Variants in FAAH2 observed in about 807,000 individuals in gnomAD.
The protein encoded by FAAH2 is fatty acid amide hydrolase 2.
FAAH2 carries 60 observed loss-of-function variants against 36.9 expected under a neutral mutation model. The ratio of observed to expected loss-of-function variants is 1.63; its 90% CI spans 1.32 to 2.02. The LOEUF (loss-of-function observed/expected upper bound fraction) is 2.02, where lower values mean the gene tolerates loss of function less well. FAAH2 is among the 30% of genes most tolerant of loss of function. The probability of loss-of-function intolerance (pLI) is 0.00; values close to 1 mark genes in which losing one functional copy is unlikely to be tolerated. For synonymous variants in FAAH2, 214 were observed against 143.8 expected (o/e 1.49, Z -3.49); for missense variants, 689 against 397.5 (o/e 1.73, Z -6.23).
chrX:57,451,014 AT>A (rs775848565), intron 10 of FAAH2, among the ~76,000 whole-genome samples: 1 of 111,854 alleles, frequency 8.9e-6, no homozygotes, highest in East Asian at 2.8e-4. Flanking sequence ...CAGCAGCCCT[AT>A]AAAAAGGAGA....
At chrX:57,329,030 G>T (rs979963642) in intron 3 of FAAH2, among the ~76,000 whole-genome samples, 9 of 111,788 alleles carry the variant, frequency 8.1e-5, no homozygotes, top group Admixed American at 5.7e-4. Flanking sequence ...ACTTCATAGG[G>T]CTCTGGCAGC....
At chrX:57,447,717 G>C (rs1457700184) in intron 9 of FAAH2, among the ~76,000 whole-genome samples, 3 of 78,884 alleles carry the variant, frequency 3.8e-5, no homozygotes, top group African/African-American at 1.3e-4. Flanking sequence ...AGAGGGGCTG[G>C]AATGCAGGGC....
the FAAH2 span, among the ~76,000 whole-genome samples, chrX:57,161,224 A>G: frequency 1.8e-5 from 2 of 111,905 alleles, no homozygotes; most frequent in Non-Finnish European, 3.8e-5. Flanking sequence ...GGTTTCAGAG[A>G]CAGTTTGTTA....
the FAAH2 span, among the ~76,000 whole-genome samples, chrX:57,152,094 A>G: frequency 1.4e-3 from 153 of 111,761 alleles, no homozygotes; most frequent in Non-Finnish European, 2.7e-3. Flanking sequence ...GATATTGGTG[A>G]TCTGCAAATG....
At chrX:57,261,120 A>T in the FAAH2 span, among the ~76,000 whole-genome samples, 2 of 111,931 alleles carry the variant, frequency 1.8e-5, no homozygotes, top group South Asian at 7.4e-4. Flanking sequence ...AATTATAAAA[A>T]CGTGAAGCCA....
chrX:57,235,731 G>A, the FAAH2 span, among the ~76,000 whole-genome samples: 8 of 111,676 alleles, frequency 7.2e-5, no homozygotes, highest in African/African-American at 2.3e-4. Context: ...GCATGTAATC[G>A]TTGTCTATGC....
chrX:57,349,147 T>TA, intron 5 of FAAH2, among the ~76,000 whole-genome samples: 1 of 78,671 alleles, frequency 1.3e-5, no homozygotes, highest in Admixed American at 1.7e-4. Context: ...ATTATATACA[T>TA]ATATATGTAT....
At chrX:57,163,153 G>A in the FAAH2 span, among the ~76,000 whole-genome samples, 1 of 112,080 alleles carries the variant, frequency 8.9e-6, no homozygotes, top group Non-Finnish European at 1.9e-5. Flanking sequence ...GCTGGGGGGT[G>A]ACTCCCAGTT....
chrX:57,445,596 C>G (rs777003261), intron 8 of FAAH2, among the ~76,000 whole-genome samples: 5 of 111,929 alleles, frequency 4.5e-5, no homozygotes, highest in African/African-American at 1.6e-4. Context: ...TCCCTTCTCA[C>G]TAGAGTGGGT....
At chrX:57,306,790 A>G (rs1254705522) in intron 2 of FAAH2, among the ~76,000 whole-genome samples, 1 of 95,263 alleles carries the variant, frequency 1.0e-5, no homozygotes, top group African/African-American at 3.7e-5. Context: ...TATGTATACT[A>G]TATATACACT....
chrX:57,275,420 A>G, the FAAH2 span, among the ~76,000 whole-genome samples: 1 of 112,354 alleles, frequency 8.9e-6, no homozygotes, highest in South Asian at 3.7e-4. Context: ...AGCTCCTGAC[A>G]GAAGCAAAAA....
intron 7 of FAAH2, among the ~76,000 whole-genome samples, chrX:57,418,080 C>A (rs978784170): frequency 2.7e-5 from 3 of 111,439 alleles, no homozygotes; most frequent in Admixed American, 9.5e-5. Context: ...TCCCTCCCCC[C>A]ACCATGCCAG....
upstream of FAAH2, among the ~76,000 whole-genome samples, chrX:57,284,783 A>G (rs2051787821): frequency 8.9e-6 from 1 of 111,903 alleles, no homozygotes; most frequent in Non-Finnish European, 1.9e-5. Flanking sequence ...TTACATCCAT[A>G]TGTGATTTAA....
intron 7 of FAAH2, among the ~76,000 whole-genome samples, chrX:57,419,893 G>T (rs1422516915): frequency 2.3e-3 from 262 of 111,756 alleles, no homozygotes; most frequent in Middle Eastern, 9.2e-3. Context: ...ATTGATTTTT[G>T]TATAAGGTGT....
At chrX:57,227,769 G>A in the FAAH2 span, among the ~76,000 whole-genome samples, 1 of 111,735 alleles carries the variant, frequency 8.9e-6, no homozygotes. Context: ...ACCATTGGGT[G>A]GGGGCAGGGC....
intron 7 of FAAH2, among the ~76,000 whole-genome samples, chrX:57,388,607 A>G (rs1418433018): frequency 5.4e-5 from 6 of 111,253 alleles, no homozygotes; most frequent in Non-Finnish European, 9.5e-5. Context: ...CAATATTGAT[A>G]TATTATTAAC....
rs186025590 is a variant in FAAH2, at chrX:57,384,825, G to A, written c.996+3796G>A. ...TTTGACCCAGCCATCCCATTAGTGG[G>A]TATATACCCATAAAGACACATGCTA... is the stretch of plus-strand genomic sequence containing the variant. On this transcript the variant is annotated intron_variant, in intron 7 of 10. Coordinates refer to ENST00000374900, the MANE Select transcript of FAAH2 (RefSeq NM_174912.4). Among the ~76,000 whole-genome samples, 8 of 111,194 alleles carry A rather than the reference G, an allele frequency of 7.2e-5. No individual in the cohort carries two copies. The East Asian group carries it at 1.7e-3, about 24-fold the overall frequency.
At chrX:57,232,973 G>A in the FAAH2 span, among the ~76,000 whole-genome samples, 1 of 112,236 alleles carries the variant, frequency 8.9e-6, no homozygotes, top group African/African-American at 3.2e-5. Flanking sequence ...AAACATCACT[G>A]AAGTCTTAGT....
intron 5 of FAAH2, among the ~76,000 whole-genome samples, chrX:57,346,661 T>C (rs1226204946): frequency 9.0e-6 from 1 of 111,729 alleles, no homozygotes; most frequent in Non-Finnish European, 1.9e-5. Flanking sequence ...CTTCATTGTG[T>C]AATTGCTTTA....
Sources: allele counts gnomAD v4.1 joint callset (sites outside exome capture counted in the v4.1 genomes callset), GRCh38; gene constraint gnomAD v4.1.1; transcripts MANE v1.5; gene names NCBI Gene and HGNC (gene_info 2026-07-23, HGNC 2026-07-21).